The following SLC39A14 variants were observed in gnomAD, a reference collection of about 807,000 sequenced individuals.
SLC39A14 encodes metal cation symporter ZIP14.
Under a neutral mutation model 45.5 loss-of-function variants are expected in SLC39A14, and 19 were observed. The ratio of observed to expected loss-of-function variants is 0.42; its 90% confidence interval spans 0.29 to 0.61. The LOEUF is 0.61. Ranked by LOEUF, SLC39A14 falls within the 20% of genes least tolerant of loss-of-function variation. The pLI, the probability that SLC39A14 is intolerant of heterozygous loss-of-function variation, is 0.22. For synonymous variants in SLC39A14, 264 were observed against 251.3 expected (o/e 1.05, Z -0.48); for missense variants, 447 against 616.5 (o/e 0.73, Z 2.91).
chr8:22,422,819 G>T, downstream of SLC39A14: 1 of 562,930 alleles, frequency 1.8e-6, no homozygotes, highest in Non-Finnish European at 2.1e-6. Flanking sequence ...GATTTTAGAA[G>T]GTTTTTTTTG....
rs1441026718 is a variant in SLC39A14 at position 22,420,215 on chromosome 8, ATTAC to A, written c.*520_*523del. On this transcript the variant is annotated 3_prime_UTR_variant, in exon 9 of 9. Transcript: ENST00000381237. ...TTTTTCAAAGTCTGTTTAATTGCCT[ATTAC>A]TTCTCTCAAAGAGAACCTGAAGTCA... The A allele has an allele frequency of 2.0e-6, 2 of 985,778 alleles. No homozygotes were observed. The highest frequency in any genetic ancestry group is 3.5e-5 in the African/African-American group (2 of 57,232). The allele number at this position is 985,778 out of a possible 1,614,324, so 61.1% of individuals were successfully genotyped here. A position where few individuals can be genotyped will look rare whatever the true frequency, so the allele number is the denominator to read the frequency against.
intron 8 of SLC39A14, among the ~76,000 whole-genome samples, chr8:22,429,338 A>G (rs1407743074): frequency 6.6e-6 from 1 of 152,224 alleles, no homozygotes; most frequent in Admixed American, 6.5e-5. Context: ...TGTCAATTCC[A>G]TCATTGACTA....
At chr8:22,412,519 G>C (rs767971414) in intron 4 of SLC39A14, among the ~76,000 whole-genome samples, 6 of 152,206 alleles carry the variant, frequency 3.9e-5, no homozygotes, top group African/African-American at 7.2e-5. Context: ...TGGAACGAGC[G>C]AGTCTGCTGC....
intron 1 of SLC39A14, among the ~76,000 whole-genome samples, chr8:22,388,051 C>T (rs115957702): frequency 6.6e-6 from 1 of 152,330 alleles, no homozygotes; most frequent in African/African-American, 2.4e-5. Flanking sequence ...TGTGCATGTA[C>T]ACATTTAAGC....
intron 1 of SLC39A14, among the ~76,000 whole-genome samples, chr8:22,403,494 T>G (rs1835009009): frequency 1.3e-5 from 2 of 150,686 alleles, no homozygotes; most frequent in African/African-American, 4.9e-5. Flanking sequence ...TTGGCTCAGC[T>G]GGTCTCGAAC....
In SLC39A14 at chr8:22,415,783, C is replaced by T; in HGVS notation, c.765C>T (p.His255=). Residue 255 remains histidine (H), a synonymous_variant, in exon 6 of 9, where the codon CAC becomes CAT. Coordinates refer to ENST00000381237, the MANE Select transcript of SLC39A14 (RefSeq NM_001128431.4). ...CACCCTTCCAGCATCATCATGGACA[C>T]AGCCATTATGCCTCTGAGTCGCTTC... ...LKQKNEHHHG[H]SHYASESLPS... is the part of the protein sequence containing the mutation. 1 of 1,612,064 alleles carries T rather than the reference C, an allele frequency of 6.2e-7. No individual in the cohort carries two copies. Among genetic ancestry groups the T allele is most frequent in the Non-Finnish European group, 8.5e-7 (1 of 1,179,524 alleles).
downstream of SLC39A14, among the ~76,000 whole-genome samples, chr8:22,423,725 C>A (rs1836329276): frequency 6.7e-6 from 1 of 149,896 alleles, no homozygotes; most frequent in African/African-American, 2.4e-5. Context: ...CCTCGGCCTC[C>A]CAAAATGCTG....
chr8:22,401,916 C>A (rs1258292131), intron 1 of SLC39A14, among the ~76,000 whole-genome samples: 1 of 152,154 alleles, frequency 6.6e-6, no homozygotes, highest in Non-Finnish European at 1.5e-5. Context: ...TGCCATGACT[C>A]ATTTATAGCT....
intron 7 of SLC39A14, 49 bp downstream of exon 7, chr8:22,416,329 A>G (rs1381706041): frequency 6.5e-7 from 1 of 1,530,100 alleles, no homozygotes; most frequent in South Asian, 1.1e-5. Context: ...GTGGTGGTGT[A>G]GGCCCCCTTC....
chr8:22,381,110 A>G (rs1833484247), intron 1 of SLC39A14, among the ~76,000 whole-genome samples: 2 of 152,054 alleles, frequency 1.3e-5, no homozygotes, highest in Non-Finnish European at 2.9e-5. Flanking sequence ...AGTAGCTGGG[A>G]CTACAGGCGA....
At chr8:22,424,951 C>T (rs962073888), downstream of SLC39A14, among the ~76,000 whole-genome samples, 9 of 144,784 alleles carry the variant, frequency 6.2e-5, no homozygotes, top group African/African-American at 2.3e-4. Flanking sequence ...ATCACTTGAA[C>T]CCGGGAGGCA....
intron 8 of SLC39A14, among the ~76,000 whole-genome samples, chr8:22,428,874 A>T (rs1275649368): frequency 3.3e-5 from 5 of 152,234 alleles, no homozygotes; most frequent in Non-Finnish European, 5.9e-5. Flanking sequence ...AAATGGGAGA[A>T]TCCTTGGAAA....
chr8:22,382,512 A>G (rs1323986694), intron 1 of SLC39A14, among the ~76,000 whole-genome samples: 1 of 151,944 alleles, frequency 6.6e-6, no homozygotes, highest in Admixed American at 6.6e-5. Flanking sequence ...TCTCTACAAA[A>G]AAAAGTTAAA....
chr8:22,369,549 AG>A (rs1415480114), intron 1 of SLC39A14, among the ~76,000 whole-genome samples: 1 of 152,192 alleles, frequency 6.6e-6, no homozygotes, highest in Non-Finnish European at 1.5e-5. Context: ...ACTCTTGGGG[AG>A]AAACAGCATC....
At position 22,421,955 on chromosome 8, in the gene SLC39A14, G is replaced by A. The variant is rs138844651; in HGVS notation, c.*2257G>A. ...AAATCCTCTTTAAACCGTAGTTGGC[G>A]CAGAGGTCAGTCCTAGTCGGAGCTT... On this transcript the variant is annotated 3_prime_UTR_variant, in exon 9 of 9. Coordinates refer to ENST00000381237, the MANE Select transcript of SLC39A14 (RefSeq NM_001128431.4). The A allele has an allele frequency of 5.7e-5, 56 of 985,306 alleles. No homozygotes were observed. The highest frequency in any genetic ancestry group is 1.1e-4 in the East Asian group (1 of 8,830). The allele number at this position is 985,306 out of a possible 1,614,324, so 61.0% of individuals were successfully genotyped here. A position where few individuals can be genotyped will look rare whatever the true frequency, so the allele number is the denominator to read the frequency against.
intron 1 of SLC39A14, among the ~76,000 whole-genome samples, chr8:22,369,997 C>G (rs1219329357): frequency 1.3e-5 from 2 of 152,130 alleles, no homozygotes; most frequent in Non-Finnish European, 2.9e-5. Flanking sequence ...TCCCACAGAT[C>G]AATTGGGCAA....
At chr8:22,383,984 C>G (rs1450096904) in intron 1 of SLC39A14, among the ~76,000 whole-genome samples, 3 of 152,142 alleles carry the variant, frequency 2.0e-5, no homozygotes, top group African/African-American at 7.2e-5. Context: ...AGTGCCAGCT[C>G]TCAGAACAGA....
intron 1 of SLC39A14, among the ~76,000 whole-genome samples, chr8:22,390,843 C>T (rs191486551): frequency 1.7e-4 from 26 of 152,208 alleles, no homozygotes; most frequent in African/African-American, 5.1e-4. Context: ...GCTGGGATTA[C>T]AGGGGTGAGC....
At chr8:22,391,091 G>T (rs1256494334) in intron 1 of SLC39A14, among the ~76,000 whole-genome samples, 3 of 152,170 alleles carry the variant, frequency 2.0e-5, no homozygotes, top group African/African-American at 7.2e-5. Flanking sequence ...TAGCTCCTGG[G>T]ACTTAGCCTA....
Sources: gnomAD v4.1 joint callset for allele counts (sites outside exome capture counted in the v4.1 genomes callset) on GRCh38, gnomAD v4.1.1 for gene constraint, MANE v1.5 for transcripts, NCBI Gene and HGNC (gene_info 2026-07-23, HGNC 2026-07-21) for gene names.